ARHGAP15: variants seen among roughly 807,000 people sequenced by gnomAD.
ARHGAP15 encodes the protein rho GTPase-activating protein 15.
A neutral mutation model predicts 63.7 loss-of-function variants in ARHGAP15; 51 were observed. The observed-to-expected ratio is 0.80, with a 90% confidence interval of 0.64 to 1.01. The LOEUF is 1.01. Among genes scored for constraint, ARHGAP15 ranks in the 50% least tolerant of loss-of-function variants. The pLI is 0.00. For missense variants in ARHGAP15, 560 were observed against 564.6 expected (o/e 0.99, Z 0.08); for synonymous variants, 191 against 193.8 (o/e 0.99, Z 0.12).
rs1680452763 is a variant in ARHGAP15 at position 143,638,650 on chromosome 2, A to G, written c.1138+14383A>G. On this transcript the variant is annotated intron_variant, in intron 12 of 13. Transcript: ENST00000295095. ...CATGTACCCTAAAACTTAAAGTATA[A>G]TAATAAAAAATAAATAAATAAAAGA... Among the ~76,000 whole-genome samples, 3 of 120,040 alleles carry G rather than the reference A, an allele frequency of 2.5e-5. No individual in the cohort carries two copies. In the Admixed American group the frequency reaches 2.9e-4, roughly 12 times the overall value. The allele number at this position is 120,040 out of a possible 152,430, so 78.8% of individuals were successfully genotyped here.
Position 143,768,218 on chromosome 2 carries a change from T to TAATA in ARHGAP15, c.*47_*50dup. ...ATACGTTCACATCTGTCTTGATGCC[T>TAATA]AATATTTTTACATTTCTGTAAACAT... On this transcript the variant is annotated 3_prime_UTR_variant, in exon 14 of 14. Coordinates refer to ENST00000295095, the MANE Select transcript of ARHGAP15 (RefSeq NM_018460.4). 6.8e-7 allele frequency: 1 copy of TAATA among 1,470,010 alleles called. No homozygotes were observed. Among genetic ancestry groups the TAATA allele is most frequent in the Non-Finnish European group, 9.1e-7 (1 of 1,097,048 alleles). The allele number at this position is 1,470,010 out of a possible 1,614,324, so 91.1% of individuals were successfully genotyped here.
intron 13 of ARHGAP15, among the ~76,000 whole-genome samples, chr2:143,744,030 C>T (rs1275345802): frequency 6.6e-6 from 1 of 152,170 alleles, no homozygotes; most frequent in African/African-American, 2.4e-5. Context: ...AAATTAATCA[C>T]CTTTGGAAAC....
intron 11 of ARHGAP15, among the ~76,000 whole-genome samples, chr2:143,618,005 A>G (rs1161505866): frequency 2.0e-5 from 3 of 152,210 alleles, no homozygotes; most frequent in African/African-American, 4.8e-5. Context: ...AATATCCTCA[A>G]TGAAGTCTCA....
intron 12 of ARHGAP15, among the ~76,000 whole-genome samples, chr2:143,677,482 T>C (rs1682884878): frequency 6.6e-6 from 1 of 152,228 alleles, no homozygotes; most frequent in Admixed American, 6.5e-5. Flanking sequence ...GTGCCTTGCA[T>C]TTTAATTATA....
intron 11 of ARHGAP15, among the ~76,000 whole-genome samples, chr2:143,623,110 A>G (rs1206821476): frequency 2.0e-5 from 3 of 152,200 alleles, no homozygotes; most frequent in Non-Finnish European, 4.4e-5. Flanking sequence ...CCCGAATCCA[A>G]AACCTTTTCC....
At chr2:143,228,453 G>A (rs1012448088) in intron 4 of ARHGAP15, 128 bp from the exon 5 acceptor site, 3 of 465,230 alleles carry the variant, frequency 6.4e-6, no homozygotes, top group African/African-American at 2.0e-5. Flanking sequence ...TAATAAAGAG[G>A]AGACTTTTAG....
At chr2:143,653,712 C>T (rs193084987) in intron 12 of ARHGAP15, among the ~76,000 whole-genome samples, 3 of 152,286 alleles carry the variant, frequency 2.0e-5, no homozygotes, top group Admixed American at 6.5e-5. Context: ...GCCCCCCATA[C>T]TGGGTCGGCA....
At chr2:143,688,443 G>T (rs759520876) in intron 12 of ARHGAP15, among the ~76,000 whole-genome samples, 57 of 152,138 alleles carry the variant, frequency 3.7e-4, no homozygotes, top group Non-Finnish European at 7.8e-4. Context: ...GAACCATCAA[G>T]GGTGGACCAC....
intron 8 of ARHGAP15, among the ~76,000 whole-genome samples, chr2:143,452,240 T>C (rs1383326982): frequency 6.6e-6 from 1 of 152,016 alleles, no homozygotes; most frequent in Non-Finnish European, 1.5e-5. Flanking sequence ...AGCCATTTTA[T>C]AAGTTGTAAA....
intron 12 of ARHGAP15, among the ~76,000 whole-genome samples, chr2:143,669,505 C>T (rs1682410244): frequency 1.3e-5 from 2 of 152,158 alleles, no homozygotes; most frequent in African/African-American, 4.8e-5. Flanking sequence ...CTTTGAAGGA[C>T]AGCCACAAGT....
chr2:143,336,042 C>A (rs1684757429), intron 6 of ARHGAP15, among the ~76,000 whole-genome samples: 1 of 151,680 alleles, frequency 6.6e-6, no homozygotes, highest in Non-Finnish European at 1.5e-5. Context: ...ACCATGTCAC[C>A]CAGGCTAGAC....
intron 5 of ARHGAP15, among the ~76,000 whole-genome samples, chr2:143,233,090 C>T (rs1693512097): frequency 6.6e-6 from 1 of 152,094 alleles, no homozygotes; most frequent in Admixed American, 6.5e-5. Flanking sequence ...TATGTTATTA[C>T]CATCTGGTGT....
At chr2:143,735,783 A>G (rs1430671213) in intron 13 of ARHGAP15, among the ~76,000 whole-genome samples, 1 of 152,246 alleles carries the variant, frequency 6.6e-6, no homozygotes, top group Non-Finnish European at 1.5e-5. Flanking sequence ...TATCCACAGT[A>G]GTAAAGTATA....
At chr2:143,505,008 C>T (rs1208023994) in intron 9 of ARHGAP15, among the ~76,000 whole-genome samples, 2 of 152,186 alleles carry the variant, frequency 1.3e-5, no homozygotes, top group African/African-American at 2.4e-5. Flanking sequence ...ACAACTCTTA[C>T]TCATTGAATC....
At chr2:143,140,045 A>G (rs1280844694) in intron 1 of ARHGAP15, among the ~76,000 whole-genome samples, 1 of 152,204 alleles carries the variant, frequency 6.6e-6, no homozygotes, top group Non-Finnish European at 1.5e-5. Flanking sequence ...TGGTAAGAGT[A>G]GCAGTAGTAA....
intron 6 of ARHGAP15, among the ~76,000 whole-genome samples, chr2:143,332,733 A>G (rs1684602524): frequency 6.6e-6 from 1 of 152,144 alleles, no homozygotes; most frequent in Non-Finnish European, 1.5e-5. Flanking sequence ...TCTGAGTGGG[A>G]TGCAGATACA....
At chr2:143,503,269 CTT>C (rs1693156755) in intron 9 of ARHGAP15, among the ~76,000 whole-genome samples, 1 of 152,198 alleles carries the variant, frequency 6.6e-6, no homozygotes, top group Admixed American at 6.5e-5. Flanking sequence ...TGAAGAAAAT[CTT>C]TTTCTTTTTG....
intron 6 of ARHGAP15, among the ~76,000 whole-genome samples, chr2:143,343,516 T>G (rs1185842569): frequency 6.6e-6 from 1 of 152,132 alleles, no homozygotes; most frequent in East Asian, 1.9e-4. Flanking sequence ...AAGGGCTTTC[T>G]GCAGGGCAGT....
intron 2 of ARHGAP15, among the ~76,000 whole-genome samples, chr2:143,189,741 C>A (rs778308037): frequency 2.6e-5 from 4 of 152,176 alleles, no homozygotes; most frequent in Admixed American, 1.3e-4. Context: ...GGATTACAGG[C>A]GTGAGCCACC....
Sources: gnomAD v4.1 joint callset for allele counts (sites outside exome capture counted in the v4.1 genomes callset) on GRCh38, gnomAD v4.1.1 for gene constraint, MANE v1.5 for transcripts, NCBI Gene and HGNC (gene_info 2026-07-23, HGNC 2026-07-21) for gene names.